GPM6A: variants seen among roughly 807,000 people sequenced by gnomAD.
GPM6A encodes the protein glycoprotein M6A.
In GPM6A, 7 loss-of-function variants were observed where a neutral mutation model predicts 32.1. The observed-to-expected ratio is 0.22, with a 90% CI of 0.12 to 0.41. The LOEUF is 0.41. Ranked by LOEUF, GPM6A falls within the 10% of genes least tolerant of loss-of-function variation. The pLI is 1.00. For missense variants in GPM6A, 235 were observed against 347.2 expected, an observed-to-expected ratio of 0.68 and a Z score of 2.57; for synonymous variants, 130 against 123.4, an observed-to-expected ratio of 1.05 and a Z score of -0.35.
chr4:175,651,363 T>A (rs1392927005), intron 4 of GPM6A, among the ~76,000 whole-genome samples: 19 of 1,402 alleles, frequency 0.014, 1 homozygote, highest in East Asian at 0.033. Context: ...TTATTTAGCG[T>A]TTTTTTTTTT....
upstream of GPM6A, among the ~76,000 whole-genome samples, chr4:175,814,146 A>C (rs1000208996): frequency 3.9e-5 from 6 of 152,264 alleles, no homozygotes; most frequent in African/African-American, 7.2e-5. Context: ...CATTAGTGAA[A>C]GCAATTGTTT....
At chr4:175,930,617 C>G (rs1204491939) in intron 1 of GPM6A, among the ~76,000 whole-genome samples, 1 of 151,950 alleles carries the variant, frequency 6.6e-6, no homozygotes, top group Non-Finnish European at 1.5e-5. Context: ...GCCTCAAAAG[C>G]TGATTCTCAT....
chr4:175,917,918 T>C (rs1396569701), intron 1 of GPM6A, among the ~76,000 whole-genome samples: 1 of 152,112 alleles, frequency 6.6e-6, no homozygotes. Context: ...ACTGAATCCT[T>C]CTTTCCCGGT....
chr4:175,866,196 G>A (rs1353456991), intron 1 of GPM6A, among the ~76,000 whole-genome samples: 3 of 151,976 alleles, frequency 2.0e-5, no homozygotes, highest in Admixed American at 1.3e-4. Context: ...CCCTTATGCC[G>A]ACACATGCAT....
At chr4:175,825,685 A>G (rs1448139680) in intron 1 of GPM6A, among the ~76,000 whole-genome samples, 2 of 152,162 alleles carry the variant, frequency 1.3e-5, no homozygotes, top group African/African-American at 4.8e-5. Context: ...CAAAATCTCT[A>G]CTATGAAATG....
At chr4:175,930,405 G>C (rs138874660) in intron 1 of GPM6A, among the ~76,000 whole-genome samples, 89 of 138,314 alleles carry the variant, frequency 6.4e-4, no homozygotes, top group African/African-American at 2.1e-3. Context: ...AAAATCTTTA[G>C]AGGCTTTTCA....
chr4:175,940,373 C>A (rs1050998200), intron 1 of GPM6A, among the ~76,000 whole-genome samples: 1 of 151,890 alleles, frequency 6.6e-6, no homozygotes, highest in African/African-American at 2.4e-5. Context: ...AGTTTATTAT[C>A]AAATATTTTA....
At chr4:175,867,553 T>G (rs986351745) in intron 1 of GPM6A, among the ~76,000 whole-genome samples, 10 of 152,182 alleles carry the variant, frequency 6.6e-5, no homozygotes, top group Non-Finnish European at 1.2e-4. Context: ...CAAATATAGT[T>G]GACAGTATTT....
At chr4:175,739,804 T>C (rs1731806790) in intron 1 of GPM6A, among the ~76,000 whole-genome samples, 2 of 152,088 alleles carry the variant, frequency 1.3e-5, no homozygotes, top group Admixed American at 1.3e-4. Context: ...GATTTTCTTC[T>C]GAAAAATGCT....
At chr4:175,884,267 T>C (rs556584411) in intron 1 of GPM6A, among the ~76,000 whole-genome samples, 3 of 152,240 alleles carry the variant, frequency 2.0e-5, no homozygotes, top group Non-Finnish European at 4.4e-5. Context: ...GCAAGATCGT[T>C]AGATTCATTG....
chr4:175,673,872 T>A, intron 2 of GPM6A, 36 bp from the exon 3 acceptor site: 1 of 1,442,428 alleles, frequency 6.9e-7, no homozygotes, highest in Non-Finnish European at 9.6e-7. Flanking sequence ...TTTCAATAAC[T>A]TTTCATTGCT....
At chr4:175,909,753 A>G (rs1313847590) in intron 1 of GPM6A, among the ~76,000 whole-genome samples, 2 of 152,332 alleles carry the variant, frequency 1.3e-5, no homozygotes, top group South Asian at 2.1e-4. Context: ...AAAAGTTGGT[A>G]GGATTTGCAT....
chr4:175,684,211 A>G (rs1028561852), intron 2 of GPM6A, among the ~76,000 whole-genome samples: 3 of 152,200 alleles, frequency 2.0e-5, no homozygotes, highest in Non-Finnish European at 4.4e-5. Context: ...CACAAGTGAC[A>G]GATGTTACAA....
chr4:175,805,355 G>A (rs1734652417), intron 1 of GPM6A, among the ~76,000 whole-genome samples: 1 of 152,116 alleles, frequency 6.6e-6, no homozygotes, highest in Non-Finnish European at 1.5e-5. Flanking sequence ...CCATAAAAAT[G>A]TAGAAAATAG....
chr4:175,849,367 T>C (rs1350497866), intron 1 of GPM6A, among the ~76,000 whole-genome samples: 1 of 152,198 alleles, frequency 6.6e-6, no homozygotes, highest in Admixed American at 6.5e-5. Flanking sequence ...TGGATGCTCA[T>C]CTACCTTTGG....
chr4:175,702,349 C>A (rs2111066830), intron 1 of GPM6A, among the ~76,000 whole-genome samples: 1 of 152,240 alleles, frequency 6.6e-6, no homozygotes, highest in Middle Eastern at 3.4e-3. Context: ...TCTCTTCTAG[C>A]TATTTTGAAA....
intron 4 of GPM6A, among the ~76,000 whole-genome samples, chr4:175,643,743 C>G (rs1387497931): frequency 6.6e-6 from 1 of 152,096 alleles, no homozygotes; most frequent in African/African-American, 2.4e-5. Context: ...AAAGAAACAC[C>G]TGTAGCTGGT....
At chr4:175,687,226 A>G (rs975034289) in intron 2 of GPM6A, among the ~76,000 whole-genome samples, 1 of 152,186 alleles carries the variant, frequency 6.6e-6, no homozygotes, top group South Asian at 2.1e-4. Flanking sequence ...TAAGTGTACA[A>G]TACAGCATTG....
At chr4:175,944,687 C>G (rs1739531178) in intron 1 of GPM6A, among the ~76,000 whole-genome samples, 1 of 152,198 alleles carries the variant, frequency 6.6e-6, no homozygotes, top group African/African-American at 2.4e-5. Flanking sequence ...GAGCAGAACA[C>G]TCAAGTAAGA....
Sources: allele counts gnomAD v4.1 joint callset (sites outside exome capture counted in the v4.1 genomes callset), GRCh38; gene constraint gnomAD v4.1.1; transcripts MANE v1.5; gene names NCBI Gene and HGNC (gene_info 2026-07-23, HGNC 2026-07-21).